The following ST18 variants were observed in gnomAD, a reference collection of about 807,000 sequenced individuals.
The protein encoded by ST18 is suppression of tumorigenicity 18 protein.
ST18 carries 50 observed loss-of-function variants against 110.0 expected under a neutral mutation model. That is an observed-to-expected ratio of 0.45 (90% confidence interval 0.36 to 0.58). The LOEUF (loss-of-function observed/expected upper bound fraction) is 0.58. ST18 is among the 20% of genes least tolerant of loss of function. The probability of loss-of-function intolerance (pLI) is 0.00; values close to 1 mark genes in which losing one functional copy is unlikely to be tolerated. For missense variants in ST18, 1,306 were observed against 1,280.1 expected (o/e 1.02, Z -0.31); for synonymous variants, 461 against 452.4 (o/e 1.02, Z -0.24).
At chr8:52,250,768 T>G (rs2094253580) in intron 2 of ST18, among the ~76,000 whole-genome samples, 1 of 152,070 alleles carries the variant, frequency 6.6e-6, no homozygotes, top group Admixed American at 6.6e-5. Flanking sequence ...CAAGAGATAT[T>G]TACTTTGCTG....
chr8:52,345,512 T>C (rs1226139590), intron 2 of ST18, among the ~76,000 whole-genome samples: 48 of 152,210 alleles, frequency 3.2e-4, no homozygotes, highest in Non-Finnish European at 4.4e-5. Context: ...ATGATACCAG[T>C]ATATCTGACA....
chr8:52,388,694 CTCAGATGGGAGG>C (rs1376940650), intron 2 of ST18, among the ~76,000 whole-genome samples: 1 of 151,416 alleles, frequency 6.6e-6, no homozygotes, highest in Middle Eastern at 3.2e-3. Flanking sequence ...GAGAAGTCTA[CTCAGATGGGAGG>C]TCAGGGAGGG....
chr8:52,112,747 A>G lies in ST18; in HGVS notation c.*451T>C, dbSNP rs1196345636. On this transcript the variant is annotated 3_prime_UTR_variant, in exon 26 of 26. Transcript: ENST00000689386. The stretch of plus-strand genomic sequence containing the variant: ...TTCACCCTTTCCTGTTTCCTCATTA[A>G]AACCCAGCAAGAAAGATGACTTGAG... 1 of 153,140 alleles carries G rather than the reference A, an allele frequency of 6.5e-6. No individual in the cohort carries two copies. Among genetic ancestry groups the G allele is most frequent in the Non-Finnish European group, 1.5e-5 (1 of 68,540 alleles). The allele number at this position is 153,140 out of a possible 1,614,324, so 9.5% of individuals were successfully genotyped here. A position where few individuals can be genotyped will look rare whatever the true frequency, so the allele number is the denominator to read the frequency against.
chr8:52,345,488 A>G (rs2140255172), intron 2 of ST18, among the ~76,000 whole-genome samples: 1 of 152,374 alleles, frequency 6.6e-6, no homozygotes, highest in Middle Eastern at 3.4e-3. Context: ...TTCTGTTAAG[A>G]GGCTGCAGAA....
At chr8:52,219,099 A>G (rs906665895) in intron 5 of ST18, among the ~76,000 whole-genome samples, 4 of 152,206 alleles carry the variant, frequency 2.6e-5, no homozygotes, top group African/African-American at 4.8e-5. Context: ...AGAATCTTAC[A>G]TTGAGTGCCC....
At chr8:52,379,222 C>T (rs772360166) in intron 2 of ST18, among the ~76,000 whole-genome samples, 6 of 151,862 alleles carry the variant, frequency 4.0e-5, no homozygotes, top group African/African-American at 1.2e-4. Flanking sequence ...CTCAGCCCCC[C>T]GAGTAGCTGG....
Position 52,165,196 on chromosome 8 carries a change from A to G in ST18, c.1234T>C (p.Cys412Arg). 6.2e-7 allele frequency: 1 copy of G among 1,614,206 alleles called. No homozygotes were observed. The highest frequency in any genetic ancestry group is 8.5e-7 in the Non-Finnish European group (1 of 1,180,028). ...CTTCCTGTGCATCCCGGCGTGGGAC[A>G]CTTGAGCACATTTTCATGCATGGCA... ...ILAMHENVLKCPTPGCTGRGH... is the reference protein window; with the variant it reads ...ILAMHENVLKRPTPGCTGRGH... Residue 412 changes from cysteine (C) to arginine (R), a missense_variant, in exon 12 of 26, where the codon TGT becomes CGT. By Grantham distance (180) the Cys-to-Arg change is radical. Transcript: ENST00000689386.
At chr8:52,217,287 G>C (rs1220493464) in intron 6 of ST18, among the ~76,000 whole-genome samples, 1 of 152,078 alleles carries the variant, frequency 6.6e-6, no homozygotes, top group Non-Finnish European at 1.5e-5. Context: ...CCTAAAATGG[G>C]TTCCTCCTGG....
At chr8:52,398,167 CT>C (rs1224626886) in intron 2 of ST18, among the ~76,000 whole-genome samples, 1 of 152,050 alleles carries the variant, frequency 6.6e-6, no homozygotes, top group African/African-American at 2.4e-5. Flanking sequence ...AAATTTATTC[CT>C]AAGCATCTCT....
intron 2 of ST18, among the ~76,000 whole-genome samples, chr8:52,335,478 A>G (rs777437510): frequency 2.0e-5 from 3 of 152,210 alleles, no homozygotes; most frequent in Non-Finnish European, 2.9e-5. Flanking sequence ...AATATTTTGC[A>G]TATACATAAT....
chr8:52,273,701 G>C (rs2095148499), intron 2 of ST18, among the ~76,000 whole-genome samples: 1 of 152,170 alleles, frequency 6.6e-6, no homozygotes, highest in Admixed American at 6.6e-5. Flanking sequence ...TTTTCCATAA[G>C]TTGGTCTATT....
rs569169483 is a variant in ST18 at position 52,173,793 on chromosome 8, C to A, written c.278-1210G>T. Among the ~76,000 whole-genome samples the A allele has an allele frequency of 1.8e-4, 28 of 152,324 alleles. No homozygotes were observed. In the East Asian group the frequency reaches 4.0e-3, roughly 22 times the overall value. On this transcript the variant is annotated intron_variant, in intron 9 of 25. Coordinates refer to ENST00000689386, the MANE Select transcript of ST18 (RefSeq NM_001352837.2). ...ACTGTTAAAGACACCAAGAGCAGTG[C>A]ATTCTGTGCTAATAAACATCTTTGG... is the stretch of plus-strand genomic sequence containing the variant.
At chr8:52,233,064 TCA>T (rs2091854786) in intron 2 of ST18, among the ~76,000 whole-genome samples, 1 of 152,196 alleles carries the variant, frequency 6.6e-6, no homozygotes, top group South Asian at 2.1e-4. Context: ...CTTTAAAATA[TCA>T]GTCTCATCTA....
In ST18 at chr8:52,169,363, A is replaced by G. The variant is rs993571796; in HGVS notation, c.1070-2377T>C. Among the ~76,000 whole-genome samples, 19 of 152,152 alleles carry G rather than the reference A, an allele frequency of 1.2e-4. 1 individual carries two copies. Reference sequence around the variant, plus strand: ...CATCCACACCTGATGTACTCATGTAATGGTTCATAGTGTTCCCCTTTTCAT... The same window carrying G: ...CATCCACACCTGATGTACTCATGTAGTGGTTCATAGTGTTCCCCTTTTCAT... On this transcript the variant is annotated intron_variant, in intron 10 of 25. Transcript: ENST00000689386.
At chr8:52,373,581 C>T (rs1261703390) in intron 2 of ST18, among the ~76,000 whole-genome samples, 2 of 152,070 alleles carry the variant, frequency 1.3e-5, no homozygotes, top group Non-Finnish European at 2.9e-5. Flanking sequence ...ATCCCACTAC[C>T]TGCTAGCACC....
intron 3 of ST18, among the ~76,000 whole-genome samples, chr8:52,223,355 G>T (rs375633115): frequency 3.3e-5 from 5 of 152,018 alleles, no homozygotes; most frequent in Admixed American, 3.3e-4. Context: ...TTTATTTATG[G>T]GTCCTTGGCC....
intron 2 of ST18, among the ~76,000 whole-genome samples, chr8:52,302,681 G>A (rs1168179204): frequency 6.6e-6 from 1 of 152,186 alleles, no homozygotes; most frequent in Non-Finnish European, 1.5e-5. Flanking sequence ...AAAAGGACAC[G>A]AAGCCAGCTT....
chr8:52,221,920 A>T (rs1249790322), intron 3 of ST18, 127 bp from the exon 4 acceptor site: 5 of 152,126 alleles, frequency 3.3e-5, no homozygotes, highest in Non-Finnish European at 7.4e-5. Context: ...AAAAAAAAAA[A>T]AACGGCTTTC....
chr8:52,270,602 T>C (rs1294313841), intron 2 of ST18, among the ~76,000 whole-genome samples: 2 of 152,214 alleles, frequency 1.3e-5, no homozygotes, highest in Admixed American at 6.5e-5. Context: ...ATTAGTCTGA[T>C]TGTAGTGATT....
Sources: allele counts gnomAD v4.1 joint callset (sites outside exome capture counted in the v4.1 genomes callset), GRCh38; gene constraint gnomAD v4.1.1; transcripts MANE v1.5; gene names NCBI Gene and HGNC (gene_info 2026-07-23, HGNC 2026-07-21).